The following SPATA45 variants were observed in gnomAD, a reference collection of about 807,000 sequenced individuals.
The protein encoded by SPATA45 is spermatogenesis associated 45, also known as spermatogenesis-associated protein 45.
Under a neutral mutation model 7.0 loss-of-function variants are expected in SPATA45, and 5 were observed. That is an observed-to-expected ratio of 0.71 (90% confidence interval 0.37 to 1.50). SPATA45 has a LOEUF of 1.50. SPATA45 is among the 40% of genes most tolerant of loss of function. The pLI, the probability that SPATA45 is intolerant of heterozygous loss-of-function variation, is 0.03. For synonymous variants in SPATA45, 40 were observed against 38.7 expected, an observed-to-expected ratio of 1.03 and a Z score of -0.13; for missense variants, 111 against 114.9, an observed-to-expected ratio of 0.97 and a Z score of 0.16.
chr1:212,835,870 T>C lies in SPATA45; in HGVS notation c.277+3A>G. 1 of 1,579,348 alleles carries C rather than the reference T, an allele frequency of 6.3e-7. No individual in the cohort carries two copies. Among genetic ancestry groups the C allele is most frequent in the Non-Finnish European group, 8.6e-7 (1 of 1,167,658 alleles). On this transcript the variant is annotated splice_donor_region_variant and intron_variant, in intron 2 of 2. Coordinates refer to ENST00000332912, the MANE Select transcript of SPATA45 (RefSeq NM_001024601.3). ...AAAAAAAAATCCTATGATAACTTCTTACTTTTTGGTGGAAAGTGCTTTCTC... is the reference window on the plus strand; with the variant it reads ...AAAAAAAAATCCTATGATAACTTCTCACTTTTTGGTGGAAAGTGCTTTCTC...
At chr1:212,842,008 G>A (rs893111766) in intron 1 of SPATA45, among the ~76,000 whole-genome samples, 4 of 151,696 alleles carry the variant, frequency 2.6e-5, no homozygotes, top group Admixed American at 2.6e-4. Context: ...TGATCTGCCC[G>A]CCTTGGCCTC....
At chr1:212,834,999 C>CTGAA (rs1363967477) in intron 2 of SPATA45, among the ~76,000 whole-genome samples, 1 of 151,570 alleles carries the variant, frequency 6.6e-6, no homozygotes, top group Non-Finnish European at 1.5e-5. Flanking sequence ...CTAGAGTCTA[C>CTGAA]TGAATGAGAT....
At chr1:212,843,674 G>T (rs1010581788) in intron 1 of SPATA45, among the ~76,000 whole-genome samples, 1 of 152,188 alleles carries the variant, frequency 6.6e-6, no homozygotes, top group African/African-American at 2.4e-5. Context: ...CTATGTGACT[G>T]TTTGGGTCTC....
Position 212,830,274 on chromosome 1 carries a change from AAAAT to A in SPATA45, c.278-17_278-14del. 6.8e-7 allele frequency: 1 copy of A among 1,466,846 alleles called. No homozygotes were observed. Among genetic ancestry groups the A allele is most frequent in the Non-Finnish European group, 9.4e-7 (1 of 1,061,722 alleles). The allele number at this position is 1,466,846 out of a possible 1,614,324, so 90.9% of individuals were successfully genotyped here. On this transcript the variant is annotated splice_polypyrimidine_tract_variant and intron_variant, in intron 2 of 2. Transcript: ENST00000332912. ...AATATGGCATTATCTGAAAAAATAA[AAAAT>A]AAAAAGTATTTGTTATATAACTTAT... is the stretch of plus-strand genomic sequence containing the variant.
chr1:212,843,314 A>G (rs1443181590), intron 1 of SPATA45, among the ~76,000 whole-genome samples: 1 of 152,150 alleles, frequency 6.6e-6, no homozygotes, highest in Non-Finnish European at 1.5e-5. Flanking sequence ...AAAGAAAGAA[A>G]GAAAAGTAAA....
chr1:212,840,843 C>T (rs1423763706), intron 1 of SPATA45, among the ~76,000 whole-genome samples: 5 of 151,998 alleles, frequency 3.3e-5, no homozygotes, highest in Non-Finnish European at 5.9e-5. Flanking sequence ...TGGACTCGAT[C>T]TCCTGACCTC....
chr1:212,836,116 T>G lies in SPATA45; in HGVS notation c.34A>C (p.Lys12Gln), dbSNP rs1208350375. ...TGTTGTTTGCTTACTCCATGTTTTT[T>G]CATTATTTCAATGGTTCTGTTTATA... Reference protein sequence around the residue: ...ASINRTIEIMKKHGVSKQHLL... With the variant: ...ASINRTIEIMQKHGVSKQHLL... The change falls in exon 2 of 3, where the codon AAA (lysine) becomes CAA (glutamine). Residue 12 changes from lysine to glutamine, a missense_variant. Lys to Gln is a moderately conservative substitution (Grantham distance 53). Transcript: ENST00000332912. 1.9e-6 allele frequency: 3 copies of G among 1,606,530 alleles called. 1 individual carries two copies. Among genetic ancestry groups the G allele is most frequent in the Non-Finnish European group, 2.6e-6 (3 of 1,173,688 alleles).
At position 212,830,229 on chromosome 1, in the gene SPATA45, C is replaced by A; in HGVS notation, c.*13G>T. On this transcript the variant is annotated 3_prime_UTR_variant, in exon 3 of 3. Coordinates refer to ENST00000332912, the MANE Select transcript of SPATA45 (RefSeq NM_001024601.3). ...AAAGAGAATGTATTTCCGTGTGTCT[C>A]TGGAGATGCACTTTATCCAAATATG... 6.6e-7 allele frequency: 1 copy of A among 1,518,770 alleles called. No individual in the cohort carries two copies. Among genetic ancestry groups the A allele is most frequent in the Non-Finnish European group, 9.1e-7 (1 of 1,103,170 alleles). The allele number at this position is 1,518,770 out of a possible 1,614,324, so 94.1% of individuals were successfully genotyped here.
intron 1 of SPATA45, among the ~76,000 whole-genome samples, chr1:212,843,638 T>G (rs1301435514): frequency 6.6e-6 from 1 of 152,138 alleles, no homozygotes; most frequent in Non-Finnish European, 1.5e-5. Context: ...TAAAGCCAAT[T>G]GTGAGACCCT....
At chr1:212,839,954 G>T (rs1663650355) in intron 1 of SPATA45, among the ~76,000 whole-genome samples, 1 of 151,420 alleles carries the variant, frequency 6.6e-6, no homozygotes, top group Non-Finnish European at 1.5e-5. Flanking sequence ...TTTAATGAAT[G>T]AATAAATAGT....
chr1:212,833,495 C>T (rs1431914714), intron 2 of SPATA45, among the ~76,000 whole-genome samples: 2 of 89,240 alleles, frequency 2.2e-5, no homozygotes, highest in Admixed American at 1.4e-4. Context: ...CCCATCTCTA[C>T]TAAAATACAA....
chr1:212,832,678 T>A (rs1663510981), intron 2 of SPATA45, among the ~76,000 whole-genome samples: 1 of 151,528 alleles, frequency 6.6e-6, no homozygotes, highest in Non-Finnish European at 1.5e-5. Flanking sequence ...GCCTTCCAAT[T>A]CGTATTGAAT....
At chr1:212,841,601 T>C (rs1054075734) in intron 1 of SPATA45, among the ~76,000 whole-genome samples, 1 of 151,448 alleles carries the variant, frequency 6.6e-6, no homozygotes, top group African/African-American at 2.4e-5. Context: ...CAATTTTTCT[T>C]TCCTAAATAA....
Position 212,836,123 on chromosome 1 carries a change from T to A in SPATA45, c.27A>T (p.Glu9Asp). 1 of 1,606,442 alleles carries A rather than the reference T, an allele frequency of 6.2e-7. No individual in the cohort carries two copies. Among genetic ancestry groups the A allele is most frequent in the Non-Finnish European group, 8.5e-7 (1 of 1,173,550 alleles). Reference protein sequence around the residue: MASINRTIEIMKKHGVSKQ... With the variant: MASINRTIDIMKKHGVSKQ... ...TGCTTACTCCATGTTTTTTCATTAT[T>A]TCAATGGTTCTGTTTATAGATGCCA... Residue 9 changes from glutamate to aspartate, a missense_variant, in exon 2 of 3, where the codon GAA (glutamate) becomes GAT (aspartate). By Grantham distance (45) the Glu-to-Asp change is conservative (BLOSUM62 2). Coordinates refer to ENST00000332912, the MANE Select transcript of SPATA45 (RefSeq NM_001024601.3).
rs942423645 is a variant in SPATA45 at position 212,831,463 on chromosome 1, ACT to A, written c.278-1204_278-1203del. ...GCTCCAGCCCCAGTGACAGAGCAAG[ACT>A]CTGCCTCTAAAAAAAAAAAAAAAAA... On this transcript the variant is annotated intron_variant, in intron 2 of 2. Transcript: ENST00000332912. Among the ~76,000 whole-genome samples the A allele has an allele frequency of 2.1e-5, 3 of 145,940 alleles. No individual in the cohort carries two copies. In the Admixed American group the frequency reaches 2.1e-4, roughly 10 times the overall value.
chr1:212,830,159 A>T lies in SPATA45; in HGVS notation c.*83T>A. ...TGAATACTTTTGTTTAGCTTTGTTT[A>T]TAATTAATAATTTGTAAATAATTTA... On this transcript the variant is annotated 3_prime_UTR_variant, in exon 3 of 3. Transcript: ENST00000332912. 9.8e-7 allele frequency: 1 copy of T among 1,020,278 alleles called. No individual in the cohort carries two copies. Among genetic ancestry groups the T allele is most frequent in the East Asian group, 2.7e-5 (1 of 37,660 alleles). 63.2% of individuals were successfully genotyped at this position (1,020,278 alleles called of 1,614,324 possible). A position where few individuals can be genotyped will look rare whatever the true frequency, so the allele number is the denominator to read the frequency against.
At position 212,836,037 on chromosome 1, in the gene SPATA45, C is replaced by T; in HGVS notation, c.113G>A (p.Ser38Asn). The stretch of plus-strand genomic sequence containing the variant: ...AACTCTCAGTAAGCTGACTTGATTG[C>T]TTCGTTCCACCAAGCAGTTGGATTC... ...KRESNCLVER[S>N]NQVSLLRVQK... The change falls in exon 2 of 3, where the codon AGC (serine) becomes AAC (asparagine). Residue 38 changes from serine (S) to asparagine (N), a missense_variant. Coordinates refer to ENST00000332912, the MANE Select transcript of SPATA45 (RefSeq NM_001024601.3). 1.2e-6 allele frequency: 2 copies of T among 1,611,318 alleles called. No individual in the cohort carries two copies. Among genetic ancestry groups the T allele is most frequent in the Non-Finnish European group, 1.7e-6 (2 of 1,177,972 alleles).
intron 2 of SPATA45, among the ~76,000 whole-genome samples, chr1:212,835,033 T>A (rs183795148): frequency 1.3e-5 from 2 of 151,670 alleles, no homozygotes. Flanking sequence ...GGCCTGGGAT[T>A]CTGTATGCAT....
At chr1:212,847,142 CAGCCTCCCAA>C (rs1663813520) in intron 1 of SPATA45, among the ~76,000 whole-genome samples, 1 of 152,194 alleles carries the variant, frequency 6.6e-6, no homozygotes, top group South Asian at 2.1e-4. Flanking sequence ...CCTCCTGCTT[CAGCCTCCCAA>C]AGTGCTGGGA....
Sources: allele counts gnomAD v4.1 joint callset (sites outside exome capture counted in the v4.1 genomes callset), GRCh38; gene constraint gnomAD v4.1.1; transcripts MANE v1.5; gene names NCBI Gene and HGNC (gene_info 2026-07-23, HGNC 2026-07-21).